PGM3: variants seen among roughly 807,000 people sequenced by gnomAD.
The protein encoded by PGM3 is phosphoglucomutase 3.
PGM3 carries 40 observed loss-of-function variants against 66.2 expected under a neutral mutation model. That is an observed-to-expected ratio of 0.60 (90% CI 0.47 to 0.79). The LOEUF is 0.79. Ranked by LOEUF, PGM3 falls within the 30% of genes least tolerant of loss-of-function variation. The pLI is 0.00. For missense variants in PGM3, 537 were observed against 643.4 expected, an observed-to-expected ratio of 0.83 and a Z score of 1.79; for synonymous variants, 191 against 224.2, an observed-to-expected ratio of 0.85 and a Z score of 1.32.
Position 83,166,357 on chromosome 6 carries a change from C to T in PGM3, c.*2877G>A. On this transcript the variant is annotated 3_prime_UTR_variant, in exon 13 of 13. Transcript: ENST00000513973. ...CACTGCACTCCTCATCTTCAAGGCT[C>T]TAGTCTCCTTTGCAAAACTTCTTGA... 1.4e-6 allele frequency: 1 copy of T among 697,728 alleles called. No individual in the cohort carries two copies. The highest frequency in any genetic ancestry group is 1.5e-5 in the South Asian group (1 of 66,076). 43.2% of individuals were successfully genotyped at this position (697,728 alleles called of 1,614,324 possible).
downstream of PGM3, among the ~76,000 whole-genome samples, chr6:83,163,539 A>G (rs1274397632): frequency 6.6e-6 from 1 of 152,228 alleles, no homozygotes; most frequent in Non-Finnish European, 1.5e-5. Flanking sequence ...TATGAAATAA[A>G]ATATATATGC....
In PGM3 at chr6:83,176,052, G is replaced by C. The variant is rs749028501; in HGVS notation, c.1038C>G (p.Val346=). ...RYLEEVMKVP[V]YCTKTGVKHL... ...GTTTTACACCAGTCTTAGTGCAATA[G>C]ACAGGTACCTATAACACATGCATTT... Residue 346 remains valine, a synonymous_variant, in exon 9 of 13, where the codon GTC becomes GTG. Coordinates refer to ENST00000513973, the MANE Select transcript of PGM3 (RefSeq NM_015599.3). 3 of 1,571,618 alleles carry C rather than the reference G, an allele frequency of 1.9e-6. No individual in the cohort carries two copies. Among genetic ancestry groups the C allele is most frequent in the Non-Finnish European group, 2.6e-6 (3 of 1,141,550 alleles).
intron 4 of PGM3, among the ~76,000 whole-genome samples, chr6:83,186,064 A>T (rs999548530): frequency 1.1e-4 from 16 of 152,272 alleles, no homozygotes; most frequent in Non-Finnish European, 1.9e-4. Flanking sequence ...TGAGTATCTG[A>T]GGAGAGGTAC....
chr6:83,178,145 TGTCACACACATA>T (rs1365133803), intron 8 of PGM3, among the ~76,000 whole-genome samples: 1 of 152,256 alleles, frequency 6.6e-6, no homozygotes, highest in Non-Finnish European at 1.5e-5. Context: ...AACCACCATT[TGTCACACACATA>T]GTTTATCCTA....
Position 83,191,271 on chromosome 6 carries a change from T to TAGCTCC in PGM3, c.-2-263_-2-258dup, listed in dbSNP as rs886735112. 23 of 1,533,398 alleles carry TAGCTCC rather than the reference T, an allele frequency of 1.5e-5. No individual in the cohort carries two copies. In the Admixed American group the frequency reaches 4.5e-4, roughly 30 times the overall value. The allele number at this position is 1,533,398 out of a possible 1,614,324, so 95.0% of individuals were successfully genotyped here. A position where few individuals can be genotyped will look rare whatever the true frequency, so the allele number is the denominator to read the frequency against. ...GATTGTCCCCACTCTCCTCCCATTT[T>TAGCTCC]AGCTCCAGGACTATCCTGGACGCCG... On this transcript the variant is annotated intron_variant, in intron 1 of 12. Transcript: ENST00000513973.
In PGM3 at chr6:83,166,652, T is replaced by C; in HGVS notation, c.*2582A>G. 8.3e-7 allele frequency: 1 copy of C among 1,203,284 alleles called. No individual in the cohort carries two copies. The highest frequency in any genetic ancestry group is 1.1e-6 in the Non-Finnish European group (1 of 932,508). 74.5% of individuals were successfully genotyped at this position (1,203,284 alleles called of 1,614,324 possible). A position where few individuals can be genotyped will look rare whatever the true frequency, so the allele number is the denominator to read the frequency against. On this transcript the variant is annotated 3_prime_UTR_variant, in exon 13 of 13. Transcript: ENST00000513973. ...AATATAAAACGGCAAATTTCAACAA[T>C]GCAAAAACCGCAATTACGTTTGCAC... is the stretch of plus-strand genomic sequence containing the variant.
downstream of PGM3, chr6:83,162,937 G>T (rs1784566135): frequency 6.2e-7 from 1 of 1,604,940 alleles, no homozygotes; most frequent in South Asian, 1.1e-5. Flanking sequence ...ATTCTTTTGT[G>T]ATTGTTTTGT....
At chr6:83,192,287 C>T (rs1789185170) in intron 1 of PGM3, among the ~76,000 whole-genome samples, 1 of 152,166 alleles carries the variant, frequency 6.6e-6, no homozygotes, top group Non-Finnish European at 1.5e-5. Flanking sequence ...AACAAAAAAT[C>T]GGCCCTTAGC....
chr6:83,167,673 A>G lies in PGM3; in HGVS notation c.*1561T>C. On this transcript the variant is annotated 3_prime_UTR_variant, in exon 13 of 13. Transcript: ENST00000513973. ...TATTACTACAATGTTAGACTGCTCC[A>G]TGTAAAACTAATAAATGGCAGTAAA... is the stretch of plus-strand genomic sequence containing the variant. 7.3e-7 allele frequency: 1 copy of G among 1,374,620 alleles called. No homozygotes were observed. Among genetic ancestry groups the G allele is most frequent in the Non-Finnish European group, 9.4e-7 (1 of 1,069,098 alleles). The allele number at this position is 1,374,620 out of a possible 1,614,324, so 85.2% of individuals were successfully genotyped here.
rs1788795866 is a variant in PGM3, at chr6:83,188,633, C to CT, written c.369dup (p.Val124SerfsTer4). 3 of 1,612,992 alleles carry CT rather than the reference C, an allele frequency of 1.9e-6. No homozygotes were observed. The highest frequency in any genetic ancestry group is 2.5e-6 in the Non-Finnish European group (3 of 1,179,208). On this transcript the variant is annotated frameshift_variant, in exon 3 of 13. Coordinates refer to ENST00000513973, the MANE Select transcript of PGM3 (RefSeq NM_015599.3). LOFTEE classifies it high-confidence loss of function. ...CATCACCTGGTATCTCTACCAATAA[C>CT]TACAAAGGCATCTTGTTGCAGATTC... is the stretch of plus-strand genomic sequence containing the variant.
chr6:83,152,826 C>T, the PGM3 span, among the ~76,000 whole-genome samples: 4 of 151,992 alleles, frequency 2.6e-5, no homozygotes, highest in Non-Finnish European at 5.9e-5. Context: ...TCAGTTTGGC[C>T]AGGCTGGTCT....
intron 8 of PGM3, among the ~76,000 whole-genome samples, chr6:83,177,675 T>C (rs746571018): frequency 3.3e-5 from 5 of 152,332 alleles, no homozygotes; most frequent in East Asian, 3.9e-4. Context: ...GACTAGGCCT[T>C]GTCCTTAGGC....
intron 8 of PGM3, among the ~76,000 whole-genome samples, chr6:83,178,380 T>C (rs1787931852): frequency 6.6e-6 from 1 of 152,308 alleles, no homozygotes; most frequent in Middle Eastern, 3.4e-3. Flanking sequence ...AAAGTATTCC[T>C]GAGCTATAAA....
chr6:83,181,943 A>G lies in PGM3; in HGVS notation c.592-12T>C. On this transcript the variant is annotated splice_polypyrimidine_tract_variant and intron_variant, in intron 5 of 12. Transcript: ENST00000513973. The stretch of plus-strand genomic sequence containing the variant: ...CCACTGCAAGAAGCCTACAAAGGAA[A>G]AAGACACATGGAAGAAAAATTTCAA... 6.4e-7 allele frequency: 1 copy of G among 1,558,332 alleles called. No homozygotes were observed. The highest frequency in any genetic ancestry group is 8.7e-7 in the Non-Finnish European group (1 of 1,155,090).
At chr6:83,191,894 G>A (rs1789101046) in intron 1 of PGM3, among the ~76,000 whole-genome samples, 1 of 149,348 alleles carries the variant, frequency 6.7e-6, no homozygotes, top group South Asian at 2.1e-4. Flanking sequence ...GGGAGGCAGA[G>A]GTTGCAGTGA....
chr6:83,184,086 C>T (rs1339717751), intron 4 of PGM3, among the ~76,000 whole-genome samples: 1 of 152,176 alleles, frequency 6.6e-6, no homozygotes, highest in South Asian at 2.1e-4. Flanking sequence ...CTAAACTTTA[C>T]CAAAGGACTA....
chr6:83,162,337 A>G (rs1372233802), downstream of PGM3, among the ~76,000 whole-genome samples: 1 of 152,114 alleles, frequency 6.6e-6, no homozygotes, highest in African/African-American at 2.4e-5. Context: ...AATTCGTTCA[A>G]TTTTTTACTC....
At chr6:83,153,601 C>A in the PGM3 span, 1 of 1,599,736 alleles carries the variant, frequency 6.3e-7, no homozygotes, top group African/African-American at 1.3e-5. Flanking sequence ...TTATGTTGTG[C>A]CCTACCTCAG....
chr6:83,169,342 G>C lies in PGM3; in HGVS notation c.1540-19C>G. On this transcript the variant is annotated intron_variant, in intron 12 of 12. Coordinates refer to ENST00000513973, the MANE Select transcript of PGM3 (RefSeq NM_015599.3). ...CACTTTCCTGCAAATTACATTAAAAGAGATTAGATGAGAAAGACATAGCAT... is the reference window on the plus strand; with the variant it reads ...CACTTTCCTGCAAATTACATTAAAACAGATTAGATGAGAAAGACATAGCAT... 1 of 1,612,996 alleles carries C rather than the reference G, an allele frequency of 6.2e-7. No homozygotes were observed. Among genetic ancestry groups the C allele is most frequent in the Non-Finnish European group, 8.5e-7 (1 of 1,179,588 alleles).
Sources: gnomAD v4.1 joint callset for allele counts (sites outside exome capture counted in the v4.1 genomes callset) on GRCh38, gnomAD v4.1.1 for gene constraint, MANE v1.5 for transcripts, NCBI Gene and HGNC (gene_info 2026-07-23, HGNC 2026-07-21) for gene names.